Variants in RIF1 observed in about 807,000 individuals in gnomAD.
RIF1 encodes replication timing regulatory factor 1, also known as telomere-associated protein RIF1.
A neutral mutation model predicts 247.1 loss-of-function variants in RIF1; 45 were observed. That is an observed-to-expected ratio of 0.18 (90% confidence interval 0.14 to 0.23). The LOEUF is 0.23. Ranked by LOEUF, RIF1 falls within the 10% of genes least tolerant of loss-of-function variation. The pLI, the probability that RIF1 is intolerant of heterozygous loss-of-function variation, is 1.00. For synonymous variants in RIF1, 1,087 were observed against 978.8 expected, an observed-to-expected ratio of 1.11 and a Z score of -2.06; for missense variants, 2,967 against 2,862.5, an observed-to-expected ratio of 1.04 and a Z score of -0.83.
chr2:151,462,330 C>A lies in RIF1; in HGVS notation c.3308+8C>A. ...TAGTCAGGAAGAGCCTATGTAAGTA[C>A]AGAAGCCATCAAACTTTTATATCTG... On this transcript the variant is annotated splice_region_variant and intron_variant, in intron 28 of 35. Coordinates refer to ENST00000444746, the MANE Select transcript of RIF1 (RefSeq NM_018151.5). 1 of 1,539,708 alleles carries A rather than the reference C, an allele frequency of 6.5e-7. No homozygotes were observed. The highest frequency in any genetic ancestry group is 8.8e-7 in the Non-Finnish European group (1 of 1,134,708).
chr2:151,499,215 G>C (rs2062590216), intron 10 of RIF1: 1 of 720,228 alleles, frequency 1.4e-6, no homozygotes, highest in South Asian at 1.9e-5. Flanking sequence ...ATTGGGATGA[G>C]TTGATTAGAT....
intron 20 of RIF1, among the ~76,000 whole-genome samples, chr2:151,450,635 G>A (rs997620555): frequency 2.6e-5 from 4 of 151,724 alleles, no homozygotes; most frequent in Non-Finnish European, 5.9e-5. Flanking sequence ...GCAGGCTGGC[G>A]TGCAATGGTG....
chr2:151,435,420 C>T (rs753063367), intron 10 of RIF1, 43 bp from the exon 11 acceptor site: 2 of 1,065,506 alleles, frequency 1.9e-6, no homozygotes, highest in South Asian at 2.7e-5. Context: ...AAAACTGTGA[C>T]AGTTGTATAG....
rs1199117692 is a variant in RIF1 at position 151,437,320 on chromosome 2, T to C, written c.1452T>C (p.Asp484=). 1.2e-6 allele frequency: 2 copies of C among 1,613,670 alleles called. No individual in the cohort carries two copies. The highest frequency in any genetic ancestry group is 1.7e-6 in the Non-Finnish European group (2 of 1,179,594). The stretch of plus-strand genomic sequence containing the variant: ...ATACACTTATCACTGCTGTTCATGA[T>C]AGCTTTGTTGCAGTTGGAAAAGATG... ...HANTLITAVH[D]SFVAVGKDAP... is the part of the protein sequence containing the mutation. The change falls in exon 13 of 36, where the codon GAT becomes GAC. Residue 484 remains aspartate (D), a synonymous_variant. Coordinates refer to ENST00000444746, the MANE Select transcript of RIF1 (RefSeq NM_018151.5).
At chr2:151,412,834 T>G (rs1573832375) in intron 3 of RIF1, among the ~76,000 whole-genome samples, 1 of 152,034 alleles carries the variant, frequency 6.6e-6, no homozygotes, top group Admixed American at 6.6e-5. Context: ...TAACGTGATT[T>G]TTGGCGAAGT....
chr2:151,426,265 C>T (rs546293566), intron 8 of RIF1, among the ~76,000 whole-genome samples: 2 of 145,920 alleles, frequency 1.4e-5, no homozygotes, highest in South Asian at 4.4e-4. Context: ...ACCTCTGCCT[C>T]CTGGGTCCAA....
At chr2:151,450,731 T>C (rs908850423) in intron 20 of RIF1, among the ~76,000 whole-genome samples, 5 of 151,948 alleles carry the variant, frequency 3.3e-5, no homozygotes, top group African/African-American at 1.2e-4. Flanking sequence ...TTACAAGCAT[T>C]CACCACCACG....
rs1233204368 is a variant in RIF1 at position 151,457,935 on chromosome 2, A to G, written c.2827A>G (p.Met943Val). 1.2e-6 allele frequency: 2 copies of G among 1,613,698 alleles called. No individual in the cohort carries two copies. The highest frequency in any genetic ancestry group is 3.3e-5 in the Admixed American group (2 of 60,000). The change falls in exon 24 of 36, where the codon ATG becomes GTG. Residue 943 changes from methionine to valine, a missense_variant. Physicochemically the swap from Met to Val is conservative, Grantham distance 21 (BLOSUM62 1). Coordinates refer to ENST00000444746, the MANE Select transcript of RIF1 (RefSeq NM_018151.5). ...CTGGAATGCCACTTTTGCCAAAGTG[A>G]TGATGTTGGTTTATCCTGAAGAGTT... ...QFWNATFAKV[M>V]MLVYPEELKP...
the RIF1 span, among the ~76,000 whole-genome samples, chr2:151,522,118 A>G: frequency 4.6e-5 from 7 of 152,346 alleles, no homozygotes; most frequent in African/African-American, 1.7e-4. Flanking sequence ...AATTGGGCCT[A>G]TTATGGATGT....
intron 22 of RIF1, 110 bp downstream of exon 22, chr2:151,455,269 T>G: frequency 1.4e-6 from 1 of 707,604 alleles, no homozygotes; most frequent in Middle Eastern, 3.6e-4. Context: ...TTGACAATTT[T>G]GTGGAGAGGA....
intron 9 of RIF1, among the ~76,000 whole-genome samples, chr2:151,432,301 C>T (rs559911338): frequency 8.5e-5 from 13 of 152,324 alleles, no homozygotes; most frequent in Non-Finnish European, 1.6e-4. Flanking sequence ...TGAACCACCA[C>T]GCCCAGCCCT....
downstream of RIF1, among the ~76,000 whole-genome samples, chr2:151,512,355 T>A (rs2075208339): frequency 6.8e-6 from 1 of 146,582 alleles, no homozygotes; most frequent in Non-Finnish European, 1.5e-5. Context: ...TTTTTAAGAG[T>A]CTCACCCTGT....
chr2:151,498,972 G>A (rs890097591), intron 10 of RIF1, among the ~76,000 whole-genome samples: 4 of 151,992 alleles, frequency 2.6e-5, no homozygotes, highest in Non-Finnish European at 4.4e-5. Context: ...GATAATAGTC[G>A]GATCTTTGCA....
In RIF1 at chr2:151,481,552, T is replaced by C. The variant is rs1280808263; in HGVS notation, c.*6481T>C. On this transcript the variant is annotated 3_prime_UTR_variant, in exon 36 of 36. Coordinates refer to ENST00000444746, the MANE Select transcript of RIF1 (RefSeq NM_018151.5). ...ATTTATTAACCCTCTAATATTGTTG[T>C]CCCGATCATTTGGTAAACGCTAAGA... is the stretch of plus-strand genomic sequence containing the variant. 1 of 152,242 alleles carries C rather than the reference T, an allele frequency of 6.6e-6. No homozygotes were observed. The allele number at this position is 152,242 out of a possible 1,614,324, so 9.4% of individuals were successfully genotyped here. A position where few individuals can be genotyped will look rare whatever the true frequency, so the allele number is the denominator to read the frequency against.
chr2:151,532,612 G>A, the RIF1 span, among the ~76,000 whole-genome samples: 1 of 151,930 alleles, frequency 6.6e-6, no homozygotes, highest in South Asian at 2.1e-4. Flanking sequence ...GGAAGTTCAG[G>A]CAAACAGGAT....
chr2:151,459,944 A>G (rs951482542), intron 25 of RIF1, 56 bp from the exon 26 acceptor site: 64 of 1,396,716 alleles, frequency 4.6e-5, no homozygotes, highest in Non-Finnish European at 5.9e-5. Flanking sequence ...CGTGAAAAGG[A>G]AAAGCAAAAT....
rs375433151 is a variant in RIF1, at chr2:151,435,490, A to G, written c.1105A>G (p.Ile369Val). 104 of 1,611,334 alleles carry G rather than the reference A, an allele frequency of 6.5e-5. No homozygotes were observed. Among genetic ancestry groups the G allele is most frequent in the South Asian group, 1.4e-4 (13 of 91,026 alleles). ...QVCVPLIQSTISIDSNASPQG... is the reference protein window; with the variant it reads ...QVCVPLIQSTVSIDSNASPQG... ...TTGTGTGCCTCTGATTCAAAGTACAATAAGCATTGATTCTAATGCCTCACC... is the reference window on the plus strand; with the variant it reads ...TTGTGTGCCTCTGATTCAAAGTACAGTAAGCATTGATTCTAATGCCTCACC... The change falls in exon 11 of 36, where the codon ATA becomes GTA. Residue 369 changes from isoleucine to valine, a missense_variant. By Grantham distance (29) the Ile-to-Val change is conservative (BLOSUM62 3). This residue lies in a region of RIF1 where 369 missense variants were observed against 322.0 expected (regional missense o/e 1.15). Transcript: ENST00000444746.
intron 9 of RIF1, chr2:151,493,488 AC>A (rs776869237): frequency 7.5e-7 from 1 of 1,337,602 alleles, no homozygotes; most frequent in African/African-American, 1.5e-5. Flanking sequence ...ACAGCAGAAA[AC>A]CAGGTCTGAA....
intron 20 of RIF1, among the ~76,000 whole-genome samples, chr2:151,451,374 G>T (rs539165115): frequency 6.6e-6 from 1 of 152,272 alleles, no homozygotes; most frequent in East Asian, 1.9e-4. Context: ...GTATCATCTA[G>T]GTTTGTGTGG....
Sources: allele counts gnomAD v4.1 joint callset (sites outside exome capture counted in the v4.1 genomes callset), GRCh38; gene constraint gnomAD v4.1.1; regional missense constraint gnomAD v4.1.1; transcripts MANE v1.5; gene names NCBI Gene and HGNC (gene_info 2026-07-23, HGNC 2026-07-21).